NDUFAF2: variants seen among roughly 807,000 people sequenced by gnomAD.
NDUFAF2 encodes the protein NADH:ubiquinone oxidoreductase complex assembly factor 2.
NDUFAF2 carries 13 observed loss-of-function variants against 22.8 expected under a neutral mutation model. That is an observed-to-expected ratio of 0.57 (90% CI 0.37 to 0.91). The LOEUF (loss-of-function observed/expected upper bound fraction) is 0.91, where lower values mean the gene tolerates loss of function less well. Among genes scored for constraint, NDUFAF2 ranks in the 40% least tolerant of loss-of-function variants. NDUFAF2 has a pLI of 0.01. For missense variants in NDUFAF2, 162 were observed against 195.2 expected, an observed-to-expected ratio of 0.83 and a Z score of 1.01; for synonymous variants, 53 against 64.2, an observed-to-expected ratio of 0.83 and a Z score of 0.84.
intron 1 of NDUFAF2, among the ~76,000 whole-genome samples, chr5:60,964,807 G>A (rs945295768): frequency 2.6e-5 from 4 of 151,988 alleles, no homozygotes; most frequent in Admixed American, 6.6e-5. Context: ...AACTTACTCC[G>A]TCCTGTCAAA....
chr5:60,946,795 A>G (rs1300253878), intron 1 of NDUFAF2, among the ~76,000 whole-genome samples: 1 of 152,226 alleles, frequency 6.6e-6, no homozygotes, highest in Non-Finnish European at 1.5e-5. Flanking sequence ...CCAACTCCTT[A>G]GTAGTTCATT....
intron 1 of NDUFAF2, 43 bp downstream of exon 1, chr5:60,945,425 C>T (rs749009663): frequency 1.2e-6 from 2 of 1,613,866 alleles, no homozygotes; most frequent in Admixed American, 3.3e-5. Context: ...TCAGTGATTG[C>T]GAGGTCAGTA....
intron 1 of NDUFAF2, among the ~76,000 whole-genome samples, chr5:60,974,543 G>A (rs1326453753): frequency 6.6e-6 from 1 of 152,078 alleles, no homozygotes; most frequent in East Asian, 1.9e-4. Context: ...CAAATTCACA[G>A]GGTTTCACCA....
At position 61,081,149 on chromosome 5, in the gene NDUFAF2, A is replaced by G. The variant is rs960005093; in HGVS notation, c.217+7935A>G. The stretch of plus-strand genomic sequence containing the variant: ...ACATCAATTGACTATGGATGTGTCT[A>G]TTTCTGCATTTTCTATTCCATCCAT... On this transcript the variant is annotated intron_variant, in intron 2 of 3. Transcript: ENST00000296597. Among the ~76,000 whole-genome samples the G allele has an allele frequency of 9.2e-5, 14 of 152,082 alleles. No individual in the cohort carries two copies. In the East Asian group the frequency reaches 2.7e-3, roughly 29 times the overall value.
intron 3 of NDUFAF2, among the ~76,000 whole-genome samples, chr5:61,123,063 G>T (rs578073540): frequency 6.6e-6 from 1 of 152,262 alleles, no homozygotes; most frequent in South Asian, 2.1e-4. Flanking sequence ...CTTCTCAGAA[G>T]TTCTCAGCAG....
intron 1 of NDUFAF2, among the ~76,000 whole-genome samples, chr5:61,039,914 C>G (rs1470750460): frequency 2.0e-5 from 3 of 152,108 alleles, no homozygotes; most frequent in African/African-American, 7.2e-5. Context: ...GATCAAGATA[C>G]TATAACTCTT....
At chr5:61,142,562 T>C (rs1419171122) in intron 3 of NDUFAF2, among the ~76,000 whole-genome samples, 1 of 152,240 alleles carries the variant, frequency 6.6e-6, no homozygotes, top group African/African-American at 2.4e-5. Context: ...ATTATTGTAA[T>C]TGATCAAAGG....
At chr5:61,019,508 T>TA (rs1184374786) in intron 1 of NDUFAF2, among the ~76,000 whole-genome samples, 1 of 152,060 alleles carries the variant, frequency 6.6e-6, no homozygotes, top group South Asian at 2.1e-4. Flanking sequence ...AATATTCTTT[T>TA]AAAAAATGCA....
At chr5:60,989,582 C>T (rs113998128) in intron 1 of NDUFAF2, among the ~76,000 whole-genome samples, 3,195 of 152,210 alleles carry the variant, frequency 0.021, 67 homozygotes, top group Non-Finnish European at 0.028. Flanking sequence ...AAAACAAGAT[C>T]ATGTCCTTTT....
intron 2 of NDUFAF2, among the ~76,000 whole-genome samples, chr5:61,090,465 T>C (rs1752552989): frequency 6.6e-6 from 1 of 152,068 alleles, no homozygotes. Flanking sequence ...ATTAAAAAAA[T>C]GTAAAAAGTG....
intron 3 of NDUFAF2, among the ~76,000 whole-genome samples, chr5:61,152,478 T>C (rs555128606): frequency 5.3e-5 from 8 of 152,248 alleles, no homozygotes; most frequent in Non-Finnish European, 8.8e-5. Flanking sequence ...GTGGGGTGCT[T>C]CATGTCTATT....
chr5:61,057,211 G>A (rs1020988213), intron 1 of NDUFAF2, among the ~76,000 whole-genome samples: 5 of 151,898 alleles, frequency 3.3e-5, no homozygotes, highest in Admixed American at 6.6e-5. Context: ...ATGAGAAAAT[G>A]ACTTCTCACT....
intron 1 of NDUFAF2, among the ~76,000 whole-genome samples, chr5:61,040,302 G>GCGC (rs1491236283): frequency 5.3e-4 from 78 of 146,464 alleles, no homozygotes; most frequent in African/African-American, 1.9e-3. Context: ...GCGCGCGCGC[G>GCGC]AAAGTTGAAA....
intron 1 of NDUFAF2, among the ~76,000 whole-genome samples, chr5:61,019,775 CT>C (rs1168082636): frequency 6.6e-6 from 1 of 151,920 alleles, no homozygotes; most frequent in Non-Finnish European, 1.5e-5. Context: ...TGGGCCTTAC[CT>C]TTTTCTTGTA....
At chr5:61,030,677 C>T (rs1473685182) in intron 1 of NDUFAF2, among the ~76,000 whole-genome samples, 1 of 152,028 alleles carries the variant, frequency 6.6e-6, no homozygotes, top group African/African-American at 2.4e-5. Context: ...CATCTAAATT[C>T]ACAAGTAAGA....
chr5:60,986,402 A>G (rs1751077140), intron 1 of NDUFAF2, among the ~76,000 whole-genome samples: 1 of 152,232 alleles, frequency 6.6e-6, no homozygotes, highest in Non-Finnish European at 1.5e-5. Context: ...GCAGAAAACA[A>G]GAAGTTATTT....
At chr5:61,001,191 C>T (rs1158480979) in intron 1 of NDUFAF2, among the ~76,000 whole-genome samples, 1 of 152,126 alleles carries the variant, frequency 6.6e-6, no homozygotes, top group African/African-American at 2.4e-5. Context: ...CCCTATCCCA[C>T]ATCCACAGCA....
intron 2 of NDUFAF2, among the ~76,000 whole-genome samples, chr5:61,092,673 C>G (rs1048187510): frequency 6.6e-6 from 1 of 152,142 alleles, no homozygotes; most frequent in Non-Finnish European, 1.5e-5. Context: ...ATTTGACTTC[C>G]TCTCTTCCTA....
At chr5:60,956,037 AC>A (rs2112564972) in intron 1 of NDUFAF2, among the ~76,000 whole-genome samples, 2 of 151,758 alleles carry the variant, frequency 1.3e-5, no homozygotes, top group South Asian at 4.2e-4. Flanking sequence ...AAGTACTGGG[AC>A]TACAGATATG....
Sources: gnomAD v4.1 joint callset for allele counts (sites outside exome capture counted in the v4.1 genomes callset) on GRCh38, gnomAD v4.1.1 for gene constraint, MANE v1.5 for transcripts, NCBI Gene and HGNC (gene_info 2026-07-23, HGNC 2026-07-21) for gene names.